The following GLI2 variants were observed in gnomAD, a reference collection of about 807,000 sequenced individuals.
The protein encoded by GLI2 is transcription activator GLI2.
A neutral mutation model predicts 78.9 loss-of-function variants in GLI2; 22 were observed. The observed-to-expected ratio is 0.28, with a 90% CI of 0.20 to 0.40. GLI2 has a LOEUF of 0.40. Among genes scored for constraint, GLI2 ranks in the 10% least tolerant of loss-of-function variants. The probability of loss-of-function intolerance (pLI) is 1.00; values close to 1 mark genes in which losing one functional copy is unlikely to be tolerated. For missense variants in GLI2, 2,097 were observed against 2,213.2 expected (o/e 0.95, Z 1.05); for synonymous variants, 974 against 963.7 (o/e 1.01, Z -0.20).
Position 120,988,595 on chromosome 2 carries a change from C to A in GLI2, c.2630C>A (p.Ala877Glu). The change falls in exon 14 of 14, where the codon GCG becomes GAG. Residue 877 changes from alanine (A) to glutamate (E), a missense_variant. Around this residue, in one of 5 missense-constraint regions of GLI2, gnomAD observed 1,290 missense variants for 1,261.7 expected, o/e 1.02. Transcript: ENST00000361492. ...AQQYSLRAKY[A>E]AATGGPPPTP... is the part of the protein sequence containing the mutation. ...CAGTACAGCCTGCGGGCCAAGTACGCGGCAGCCACTGGCGGCCCCCCGCCC... is the reference window on the plus strand; with the variant it reads ...CAGTACAGCCTGCGGGCCAAGTACGAGGCAGCCACTGGCGGCCCCCCGCCC... The A allele has an allele frequency of 6.7e-7, 1 of 1,485,426 alleles. No homozygotes were observed. Among genetic ancestry groups the A allele is most frequent in the East Asian group, 2.9e-5 (1 of 34,502 alleles). The allele number at this position is 1,485,426 out of a possible 1,614,324, so 92.0% of individuals were successfully genotyped here. A position where few individuals can be genotyped will look rare whatever the true frequency, so the allele number is the denominator to read the frequency against.
chr2:120,958,319 A>AG (rs1681376226), intron 5 of GLI2, among the ~76,000 whole-genome samples: 1 of 152,078 alleles, frequency 6.6e-6, no homozygotes, highest in Admixed American at 6.5e-5. Flanking sequence ...CCCTCTTTAA[A>AG]TCCACTCACT....
intron 1 of GLI2, among the ~76,000 whole-genome samples, chr2:120,738,507 G>A (rs562882993): frequency 1.5e-4 from 23 of 152,192 alleles, no homozygotes; most frequent in South Asian, 2.1e-4. Context: ...AAATTGTTTC[G>A]TGATTTTAGG....
chr2:120,790,045 A>G (rs1684102785), intron 1 of GLI2, among the ~76,000 whole-genome samples: 2 of 152,218 alleles, frequency 1.3e-5, no homozygotes. Context: ...GAGGGGGTCT[A>G]AGGAAGGACA....
chr2:120,841,848 G>GGTGTGTGT (rs555474895), intron 2 of GLI2, among the ~76,000 whole-genome samples: 1,708 of 132,656 alleles, frequency 0.013, 30 homozygotes, highest in African/African-American at 0.037. Flanking sequence ...CAGTCTGGAG[G>GGTGTGTGT]GTGTGTGTGT....
Position 120,900,098 on chromosome 2 carries a change from G to A in GLI2, c.149-27263G>A, listed in dbSNP as rs536090214. Among the ~76,000 whole-genome samples, 6 of 152,328 alleles carry A rather than the reference G, an allele frequency of 3.9e-5. No homozygotes were observed. In the South Asian group the frequency reaches 1.2e-3, roughly 32 times the overall value. ...TGCTTTACTTTGAGTTCTGAGGCAG[G>A]CAAGGCAGAAGAGGCAGAATCTCCT... On this transcript the variant is annotated intron_variant, in intron 2 of 13. Transcript: ENST00000361492.
chr2:120,841,743 G>T (rs1009772529), intron 2 of GLI2, among the ~76,000 whole-genome samples: 4 of 152,208 alleles, frequency 2.6e-5, no homozygotes, highest in African/African-American at 9.6e-5. Flanking sequence ...GAGTATGGTG[G>T]GGGAGAGGCC....
At chr2:120,829,645 A>G (rs1220506815) in intron 2 of GLI2, among the ~76,000 whole-genome samples, 1 of 152,180 alleles carries the variant, frequency 6.6e-6, no homozygotes, top group East Asian at 1.9e-4. Context: ...ATTATCACCA[A>G]TCCGTAATGC....
intron 1 of GLI2, among the ~76,000 whole-genome samples, chr2:120,786,091 A>G (rs1214830726): frequency 4.6e-5 from 7 of 152,174 alleles, no homozygotes; most frequent in Non-Finnish European, 8.8e-5. Flanking sequence ...TCACAATCCC[A>G]GGATCCGTAA....
chr2:120,796,421 G>C (rs986752149), intron 1 of GLI2, among the ~76,000 whole-genome samples: 2 of 152,210 alleles, frequency 1.3e-5, no homozygotes, highest in African/African-American at 4.8e-5. Context: ...CCCGGAGTCA[G>C]TCCTGCCCCT....
chr2:120,738,960 A>G (rs780692560), intron 1 of GLI2, among the ~76,000 whole-genome samples: 15 of 152,082 alleles, frequency 9.9e-5, no homozygotes, highest in Non-Finnish European at 1.9e-4. Context: ...TCTCCCAGGG[A>G]TGCTCTGGTC....
chr2:120,856,937 A>G (rs1687672627), intron 2 of GLI2, among the ~76,000 whole-genome samples: 1 of 152,114 alleles, frequency 6.6e-6, no homozygotes, highest in South Asian at 2.1e-4. Flanking sequence ...CCTCTGATTT[A>G]TATCAAGGTG....
intron 2 of GLI2, among the ~76,000 whole-genome samples, chr2:120,825,729 A>G (rs571908357): frequency 6.6e-6 from 1 of 152,274 alleles, no homozygotes; most frequent in African/African-American, 2.4e-5. Flanking sequence ...TGCCTTGATG[A>G]CAGCCCTCCC....
Position 120,843,925 on chromosome 2 carries a change from C to T in GLI2, c.148+46457C>T, listed in dbSNP as rs193149635. ...CAAGTGATCCGCCCACCTCAGCCTC[C>T]CAAAGTGCTGGGATTACAGGCGTGA... On this transcript the variant is annotated intron_variant, in intron 2 of 13. Transcript: ENST00000361492. 2.5e-3 allele frequency among the ~76,000 whole-genome samples: 384 copies of T among 152,246 alleles called. 2 individuals carry two copies. Among genetic ancestry groups the T allele is most frequent in the African/African-American group, 8.0e-3 (333 of 41,540 alleles).
intron 2 of GLI2, among the ~76,000 whole-genome samples, chr2:120,881,571 A>G (rs1277708650): frequency 1.4e-4 from 8 of 56,292 alleles, no homozygotes; most frequent in South Asian, 8.2e-4. Context: ...GAGGACAGGT[A>G]GGGGAGGGCA....
intron 4 of GLI2, among the ~76,000 whole-genome samples, chr2:120,954,017 C>T (rs1323335136): frequency 2.0e-5 from 3 of 152,142 alleles, no homozygotes; most frequent in Admixed American, 1.3e-4. Context: ...ATAGCAGGGA[C>T]CTGGCTAATT....
chr2:120,974,598 T>C (rs761497311), intron 8 of GLI2, among the ~76,000 whole-genome samples: 6 of 152,138 alleles, frequency 3.9e-5, no homozygotes, highest in Non-Finnish European at 7.4e-5. Flanking sequence ...ATCCTCCCTA[T>C]CGTACAAGAA....
intron 1 of GLI2, among the ~76,000 whole-genome samples, chr2:120,739,176 AGT>A (rs1260272371): frequency 1.3e-5 from 2 of 152,188 alleles, no homozygotes; most frequent in Non-Finnish European, 2.9e-5. Flanking sequence ...CCCTGTACAC[AGT>A]GCAGCCCCTG....
At chr2:120,876,665 T>C (rs1340174172) in intron 2 of GLI2, among the ~76,000 whole-genome samples, 5 of 151,868 alleles carry the variant, frequency 3.3e-5, no homozygotes, top group African/African-American at 9.7e-5. Flanking sequence ...CACAGGTGAG[T>C]CACATGCCCT....
At chr2:120,899,137 C>T (rs957103807) in intron 2 of GLI2, among the ~76,000 whole-genome samples, 92 of 152,218 alleles carry the variant, frequency 6.0e-4, no homozygotes, top group African/African-American at 2.1e-3. Flanking sequence ...CAGGAGAGCT[C>T]TTTCCTGGAG....
Sources: allele counts gnomAD v4.1 joint callset (sites outside exome capture counted in the v4.1 genomes callset), GRCh38; gene constraint gnomAD v4.1.1; regional missense constraint gnomAD v4.1.1; transcripts MANE v1.5; gene names NCBI Gene and HGNC (gene_info 2026-07-23, HGNC 2026-07-21).